Variants in CAST observed in about 807,000 individuals in gnomAD.
CAST encodes the protein MIR583 host.
In CAST, 76 loss-of-function variants were observed where a neutral mutation model predicts 119.6. The ratio of observed to expected loss-of-function variants is 0.64; its 90% CI spans 0.53 to 0.77. The LOEUF (loss-of-function observed/expected upper bound fraction) is 0.77. CAST is among the 30% of genes least tolerant of loss of function. CAST has a pLI of 0.00. For synonymous variants in CAST, 319 were observed against 331.6 expected, an observed-to-expected ratio of 0.96 and a Z score of 0.41; for missense variants, 953 against 946.5, an observed-to-expected ratio of 1.01 and a Z score of -0.09.
the CAST span, among the ~76,000 whole-genome samples, chr5:95,975,111 TTCAGCA>T: frequency 2.0e-5 from 3 of 152,280 alleles, no homozygotes; most frequent in East Asian, 5.8e-4. Flanking sequence ...GCCAGATTTC[TTCAGCA>T]TCACTGCATA....
intron 12 of CAST, 57 bp downstream of exon 12, chr5:96,740,175 C>A: frequency 1.2e-6 from 1 of 806,284 alleles, no homozygotes; most frequent in Non-Finnish European, 2.0e-6. Flanking sequence ...AAAATAATTT[C>A]ATGTCAATAT....
chr5:96,469,598 C>T, the CAST span, among the ~76,000 whole-genome samples: 1 of 151,748 alleles, frequency 6.6e-6, no homozygotes, highest in Non-Finnish European at 1.5e-5. Context: ...TGAGAATTCC[C>T]CTTTTCTCTT....
At chr5:96,209,768 T>G in the CAST span, among the ~76,000 whole-genome samples, 1 of 151,372 alleles carries the variant, frequency 6.6e-6, no homozygotes, top group African/African-American at 2.4e-5. Context: ...ATATTTTTCC[T>G]TTTATGTCAG....
the CAST span, among the ~76,000 whole-genome samples, chr5:96,138,849 A>G: frequency 1.3e-5 from 2 of 151,986 alleles, no homozygotes; most frequent in African/African-American, 2.4e-5. Context: ...GATTTTCTAC[A>G]TGGACAATCA....
chr5:96,424,316 G>A, the CAST span, among the ~76,000 whole-genome samples: 1 of 152,174 alleles, frequency 6.6e-6, no homozygotes, highest in African/African-American at 2.4e-5. Context: ...GTATGAAGCT[G>A]AATCACAGGA....
At chr5:96,173,145 C>T in the CAST span, among the ~76,000 whole-genome samples, 1 of 152,138 alleles carries the variant, frequency 6.6e-6, no homozygotes, top group African/African-American at 2.4e-5. Context: ...GGCGGCTTGA[C>T]TACAAAGGCT....
the CAST span, among the ~76,000 whole-genome samples, chr5:96,490,985 AAATGGCTCAT>A: frequency 1.4e-4 from 22 of 152,354 alleles, no homozygotes; most frequent in East Asian, 4.2e-3. Flanking sequence ...AATGTCTGAC[AAATGGCTCAT>A]ATTTTTCAAG....
intron 3 of CAST, among the ~76,000 whole-genome samples, chr5:96,710,867 T>G (rs1483050460): frequency 6.7e-6 from 1 of 150,104 alleles, no homozygotes; most frequent in African/African-American, 2.5e-5. Flanking sequence ...TCCACATCAC[T>G]TAAAAAAAAA....
At chr5:96,616,725 G>A (rs867898599) in intron 1 of CAST, among the ~76,000 whole-genome samples, 9 of 138,348 alleles carry the variant, frequency 6.5e-5, no homozygotes, top group South Asian at 2.4e-4. Flanking sequence ...CCAAGCGCTC[G>A]CTCGCTCTCT....
upstream of CAST, among the ~76,000 whole-genome samples, chr5:96,527,302 T>C (rs530247839): frequency 5.9e-5 from 9 of 152,248 alleles, no homozygotes; most frequent in Admixed American, 1.3e-4. Flanking sequence ...CCTGGGGAGA[T>C]GTGTGGCCTT....
At chr5:96,432,867 C>T in the CAST span, 2 of 1,613,360 alleles carry the variant, frequency 1.2e-6, no homozygotes, top group East Asian at 2.2e-5. Context: ...TCTTACCTGA[C>T]CCAAAAGGTC....
intron 29 of CAST, chr5:96,770,263 A>T: frequency 2.4e-6 from 1 of 420,620 alleles, no homozygotes; most frequent in South Asian, 2.7e-5. Context: ...TGATTAGCAA[A>T]ATAAGGTCTG....
chr5:96,568,120 C>T (rs949995234), intron 1 of CAST, among the ~76,000 whole-genome samples: 59 of 152,068 alleles, frequency 3.9e-4, no homozygotes, highest in African/African-American at 1.4e-3. Context: ...AAGATCCTTT[C>T]GCATTTTTAG....
chr5:96,045,301 T>C, the CAST span, among the ~76,000 whole-genome samples: 1 of 149,494 alleles, frequency 6.7e-6, no homozygotes, highest in African/African-American at 2.5e-5. Context: ...CGCAGTGAGC[T>C]GAGATGGCGC....
intron 1 of CAST, among the ~76,000 whole-genome samples, chr5:96,650,099 G>A (rs1359219601): frequency 1.3e-5 from 2 of 152,204 alleles, no homozygotes; most frequent in African/African-American, 4.8e-5. Context: ...TTGCAGCCAA[G>A]CTTTCAGCCT....
intron 10 of CAST, among the ~76,000 whole-genome samples, chr5:96,737,505 A>ATTTTGTTTTG (rs998533288): frequency 1.3e-5 from 2 of 152,098 alleles, no homozygotes; most frequent in African/African-American, 4.8e-5. Context: ...AATTCCCTGT[A>ATTTTGTTTTG]TTTTGTTTTG....
chr5:96,382,491 T>G, the CAST span, among the ~76,000 whole-genome samples: 1 of 152,212 alleles, frequency 6.6e-6, no homozygotes, highest in Non-Finnish European at 1.5e-5. Flanking sequence ...TCATTGGCAC[T>G]TTCATCTGAT....
chr5:96,199,354 A>C, the CAST span, among the ~76,000 whole-genome samples: 1 of 152,210 alleles, frequency 6.6e-6, no homozygotes, highest in Non-Finnish European at 1.5e-5. Flanking sequence ...TCAAAAAAGG[A>C]TGAGAAATAT....
chr5:95,967,021 A>T, the CAST span, among the ~76,000 whole-genome samples: 1 of 152,160 alleles, frequency 6.6e-6, no homozygotes, highest in Admixed American at 6.5e-5. Context: ...GCCCTGAAAG[A>T]TATCATATAG....
Sources: gnomAD v4.1 joint callset for allele counts (sites outside exome capture counted in the v4.1 genomes callset) on GRCh38, gnomAD v4.1.1 for gene constraint, MANE v1.5 for transcripts, NCBI Gene and HGNC (gene_info 2026-07-23, HGNC 2026-07-21) for gene names.